FERRY3: variants seen among roughly 807,000 people sequenced by gnomAD.
FERRY3 encodes protein C12orf4.
the FERRY3 span, among the ~76,000 whole-genome samples, chr12:4,494,410 C>A: frequency 6.6e-6 from 1 of 152,148 alleles, no homozygotes; most frequent in Non-Finnish European, 1.5e-5. Context: ...ACCTGCTTAA[C>A]CTGATGTCAT....
chr12:4,511,998 C>A, the FERRY3 span, among the ~76,000 whole-genome samples: 1 of 111,478 alleles, frequency 9.0e-6, no homozygotes, highest in Non-Finnish European at 1.8e-5. Flanking sequence ...GCTAGCAAGA[C>A]TAATAAAGAA....
chr12:4,536,215 C>T, the FERRY3 span: 1 of 1,504,080 alleles, frequency 6.6e-7, no homozygotes, highest in Non-Finnish European at 9.0e-7. Flanking sequence ...AGGATTTCTA[C>T]AGAACTAACA....
the FERRY3 span, among the ~76,000 whole-genome samples, chr12:4,522,956 T>A: frequency 1.4e-4 from 21 of 152,160 alleles, 1 homozygote; most frequent in South Asian, 4.4e-3. Flanking sequence ...TCTAGAAAAA[T>A]CAAACTACAA....
At chr12:4,530,164 TTA>T in the FERRY3 span, 23 of 867,856 alleles carry the variant, frequency 2.7e-5, no homozygotes, top group Non-Finnish European at 2.8e-5. Context: ...AAAGACCCTC[TTA>T]TATATATATG....
At chr12:4,524,446 T>TTTTACTGA in the FERRY3 span, among the ~76,000 whole-genome samples, 1 of 151,988 alleles carries the variant, frequency 6.6e-6, no homozygotes, top group Non-Finnish European at 1.5e-5. Flanking sequence ...TCCCATAAAT[T>TTTTACTGA]TTTACTGAGC....
At chr12:4,518,870 T>C in the FERRY3 span, 3 of 1,570,934 alleles carry the variant, frequency 1.9e-6, no homozygotes, top group East Asian at 2.3e-5. Flanking sequence ...GGCTGAACTT[T>C]AATTTCCTCA....
At chr12:4,531,008 G>A in the FERRY3 span, among the ~76,000 whole-genome samples, 6 of 150,404 alleles carry the variant, frequency 4.0e-5, no homozygotes, top group Non-Finnish European at 8.9e-5. Flanking sequence ...TCTTACCCAC[G>A]AAAATATTAA....
the FERRY3 span, among the ~76,000 whole-genome samples, chr12:4,528,628 A>G: frequency 6.6e-6 from 1 of 152,178 alleles, no homozygotes; most frequent in African/African-American, 2.4e-5. Context: ...AGTGGTCCAG[A>G]GGAGTACAAT....
chr12:4,520,785 G>GT, the FERRY3 span, among the ~76,000 whole-genome samples: 13 of 152,086 alleles, frequency 8.5e-5, no homozygotes, highest in African/African-American at 3.1e-4. Flanking sequence ...AAAATTAAAA[G>GT]TTTTTTAAAA....
chr12:4,494,087 C>T, the FERRY3 span, among the ~76,000 whole-genome samples: 4 of 151,958 alleles, frequency 2.6e-5, no homozygotes, highest in East Asian at 1.9e-4. Flanking sequence ...AGCAGGACTC[C>T]GTCTCAAAAA....
the FERRY3 span, among the ~76,000 whole-genome samples, chr12:4,527,327 C>G: frequency 6.6e-6 from 1 of 151,922 alleles, no homozygotes; most frequent in Admixed American, 6.6e-5. Flanking sequence ...AGGCAACTAG[C>G]TAATCATATA....
chr12:4,535,711 A>G, the FERRY3 span, among the ~76,000 whole-genome samples: 36 of 152,372 alleles, frequency 2.4e-4, no homozygotes, highest in African/African-American at 8.4e-4. This position sits in a 1 kb window ranked among gnomAD's most constrained non-coding sequence, Gnocchi z 4.0. Context: ...TAGCACAATT[A>G]GCGATAGCTA....
At chr12:4,520,007 C>G in the FERRY3 span, among the ~76,000 whole-genome samples, 1 of 152,208 alleles carries the variant, frequency 6.6e-6, no homozygotes, top group South Asian at 2.1e-4. Flanking sequence ...AACTGAATTC[C>G]AAACCGTGAC....
chr12:4,535,647 G>C, the FERRY3 span, among the ~76,000 whole-genome samples: 1 of 152,194 alleles, frequency 6.6e-6, no homozygotes, highest in Non-Finnish European at 1.5e-5. The surrounding 1 kb of genome is among the most constrained non-coding windows in gnomAD (Gnocchi z 4.0). Flanking sequence ...TGGCATCTCA[G>C]AAATTAATGA....
At chr12:4,528,940 A>ACACACACACACAC in the FERRY3 span, among the ~76,000 whole-genome samples, 1 of 117,256 alleles carries the variant, frequency 8.5e-6, no homozygotes, top group Non-Finnish European at 2.0e-5. Flanking sequence ...CACACACACA[A>ACACACACACACAC]ACAAAAGTGA....
the FERRY3 span, chr12:4,536,368 C>T: frequency 2.5e-6 from 1 of 398,098 alleles, no homozygotes; most frequent in Non-Finnish European, 4.3e-6. Flanking sequence ...CCTGTACTTC[C>T]ATCTTCATGA....
chr12:4,531,632 C>T, the FERRY3 span, among the ~76,000 whole-genome samples: 3 of 152,178 alleles, frequency 2.0e-5, no homozygotes, highest in Non-Finnish European at 2.9e-5. Context: ...AGAGAGAAAG[C>T]GATTCAATGT....
chr12:4,498,188 T>C, the FERRY3 span, among the ~76,000 whole-genome samples: 4 of 152,204 alleles, frequency 2.6e-5, no homozygotes, highest in African/African-American at 9.7e-5. Context: ...AATCTGAACT[T>C]AGTGACTTTT....
At chr12:4,506,693 G>C in the FERRY3 span, among the ~76,000 whole-genome samples, 1 of 152,250 alleles carries the variant, frequency 6.6e-6, no homozygotes, top group Non-Finnish European at 1.5e-5. Flanking sequence ...ACCTTGTTTA[G>C]TAATAGTAAG....
Sources: allele counts gnomAD v4.1 joint callset (sites outside exome capture counted in the v4.1 genomes callset), GRCh38; gene constraint gnomAD v4.1.1; non-coding constraint Gnocchi (gnomAD v3.1); transcripts MANE v1.5; gene names NCBI Gene and HGNC (gene_info 2026-07-23, HGNC 2026-07-21).